The following ST8SIA6 variants were observed in gnomAD, a reference collection of about 807,000 sequenced individuals.
ST8SIA6 encodes alpha-2,8-sialyltransferase 8F.
A neutral mutation model predicts 33.6 loss-of-function variants in ST8SIA6; 39 were observed. The observed-to-expected ratio is 1.16, with a 90% CI of 0.90 to 1.52. The LOEUF is 1.52. ST8SIA6 is among the 40% of genes most tolerant of loss of function. The pLI, the probability that ST8SIA6 is intolerant of heterozygous loss-of-function variation, is 0.00. For missense variants in ST8SIA6, 441 were observed against 443.8 expected, an observed-to-expected ratio of 0.99 and a Z score of 0.06; for synonymous variants, 172 against 167.2, an observed-to-expected ratio of 1.03 and a Z score of -0.22.
At chr10:17,347,225 C>T (rs1415848336) in intron 4 of ST8SIA6, among the ~76,000 whole-genome samples, 1 of 152,170 alleles carries the variant, frequency 6.6e-6, no homozygotes, top group East Asian at 1.9e-4. Flanking sequence ...TACAATTAGC[C>T]ATCCCAGTAA....
chr10:17,445,804 G>T (rs978941533), intron 2 of ST8SIA6, among the ~76,000 whole-genome samples: 2 of 152,320 alleles, frequency 1.3e-5, no homozygotes, highest in African/African-American at 2.4e-5. Context: ...GATAGGAAGA[G>T]GGTGGTGGAT....
At chr10:17,343,180 A>G (rs914785742) in intron 4 of ST8SIA6, among the ~76,000 whole-genome samples, 2 of 152,210 alleles carry the variant, frequency 1.3e-5, no homozygotes, top group African/African-American at 4.8e-5. Flanking sequence ...AGCACAATGT[A>G]GATGAGAAGC....
chr10:17,331,960 G>A (rs1435232443), intron 4 of ST8SIA6, among the ~76,000 whole-genome samples: 1 of 152,044 alleles, frequency 6.6e-6, no homozygotes, highest in African/African-American at 2.4e-5. Flanking sequence ...GCCTCCAACA[G>A]GCACCAGTGT....
rs539598042 is a variant in ST8SIA6, at chr10:17,356,238, A to G, written c.377+3276T>C. On this transcript the variant is annotated intron_variant, in intron 4 of 7. Coordinates refer to ENST00000377602, the MANE Select transcript of ST8SIA6 (RefSeq NM_001004470.3). The stretch of plus-strand genomic sequence containing the variant: ...AGCACTCTAGCAGGAACAAAAAAAG[A>G]CTACAGTGCTCTAAACTATACAGTG... Among the ~76,000 whole-genome samples, 3 of 152,280 alleles carry G rather than the reference A, an allele frequency of 2.0e-5. No homozygotes were observed. The East Asian group carries it at 5.8e-4, about 29-fold the overall frequency.
intron 2 of ST8SIA6, among the ~76,000 whole-genome samples, chr10:17,401,797 C>T (rs1358124640): frequency 1.3e-5 from 2 of 152,184 alleles, no homozygotes; most frequent in African/African-American, 4.8e-5. Context: ...GGATTAGAGA[C>T]TTCAATGTTA....
intron 2 of ST8SIA6, among the ~76,000 whole-genome samples, chr10:17,439,812 A>G (rs1273000074): frequency 6.6e-6 from 1 of 152,222 alleles, no homozygotes; most frequent in Non-Finnish European, 1.5e-5. Context: ...AGGCATGCTG[A>G]GGCTATCTCC....
chr10:17,417,182 G>GA (rs1311938585), intron 2 of ST8SIA6, among the ~76,000 whole-genome samples: 2 of 152,038 alleles, frequency 1.3e-5, no homozygotes, highest in Admixed American at 6.6e-5. Flanking sequence ...CAGGCTTTTT[G>GA]AAACAACCAG....
At chr10:17,387,734 G>A (rs865918098) in intron 3 of ST8SIA6, among the ~76,000 whole-genome samples, 1 of 152,172 alleles carries the variant, frequency 6.6e-6, no homozygotes. Flanking sequence ...TGGGGCTAGA[G>A]GTGAAGTGAA....
rs1852217326 is a variant in ST8SIA6, at chr10:17,435,311, A to C, written c.200+18248T>G. Among the ~76,000 whole-genome samples the C allele has an allele frequency of 2.6e-5, 4 of 152,254 alleles. No individual in the cohort carries two copies. In the South Asian group the frequency reaches 8.3e-4, roughly 32 times the overall value. ...CTTCTTCCAAGTCCCCTAAATGTCC[A>C]GAAAGCTTTATCTCCATTTCCTATG... is the stretch of plus-strand genomic sequence containing the variant. On this transcript the variant is annotated intron_variant, in intron 2 of 7. Transcript: ENST00000377602.
At chr10:17,363,605 A>G (rs557756951) in intron 3 of ST8SIA6, among the ~76,000 whole-genome samples, 1 of 152,164 alleles carries the variant, frequency 6.6e-6, no homozygotes, top group African/African-American at 2.4e-5. Context: ...TCCATACTTT[A>G]TCTTATTAAT....
intron 2 of ST8SIA6, among the ~76,000 whole-genome samples, chr10:17,433,647 C>G (rs1473369941): frequency 6.6e-6 from 1 of 152,104 alleles, no homozygotes; most frequent in Non-Finnish European, 1.5e-5. Flanking sequence ...AGGGATGCAG[C>G]CCTCTCAGCA....
At chr10:17,449,379 T>C (rs1170682750) in intron 2 of ST8SIA6, among the ~76,000 whole-genome samples, 1 of 152,184 alleles carries the variant, frequency 6.6e-6, no homozygotes, top group African/African-American at 2.4e-5. Context: ...AAAGGATCCA[T>C]TGTAATGGGG....
At chr10:17,437,610 TTTCCTTCC>T (rs374960462) in intron 2 of ST8SIA6, among the ~76,000 whole-genome samples, 1 of 97,986 alleles carries the variant, frequency 1.0e-5, no homozygotes, top group South Asian at 3.5e-4. Flanking sequence ...GGACCCCCTG[TTTCCTTCC>T]TTCCTTCCTT....
chr10:17,397,270 G>A (rs1161160743), intron 2 of ST8SIA6, among the ~76,000 whole-genome samples: 1 of 87,892 alleles, frequency 1.1e-5, no homozygotes, highest in African/African-American at 4.4e-5. Context: ...TCTCACTCTT[G>A]TCCCCCAGGC....
At position 17,322,355 on chromosome 10, in the gene ST8SIA6, A is replaced by T. The variant is rs572281595; in HGVS notation, c.728+710T>A. Among the ~76,000 whole-genome samples the T allele has an allele frequency of 3.3e-5, 5 of 152,328 alleles. No individual in the cohort carries two copies. The South Asian group carries it at 1.0e-3, about 32-fold the overall frequency. ...ATAGATATACGTATAGGTTATTTTTAAAAATTTCCTCCATGCATTGTAGTA... is the reference window on the plus strand; with the variant it reads ...ATAGATATACGTATAGGTTATTTTTTAAAATTTCCTCCATGCATTGTAGTA... On this transcript the variant is annotated intron_variant, in intron 7 of 7. Coordinates refer to ENST00000377602, the MANE Select transcript of ST8SIA6 (RefSeq NM_001004470.3).
chr10:17,441,699 C>T (rs1275002644), intron 2 of ST8SIA6, among the ~76,000 whole-genome samples: 6 of 152,064 alleles, frequency 3.9e-5, no homozygotes, highest in Admixed American at 3.9e-4. Flanking sequence ...ATCTGGAAGT[C>T]CCACCCTCTA....
At chr10:17,329,779 ATC>A (rs1384550523) in intron 5 of ST8SIA6, among the ~76,000 whole-genome samples, 1 of 152,168 alleles carries the variant, frequency 6.6e-6, no homozygotes, top group Non-Finnish European at 1.5e-5. Flanking sequence ...TAAATTACAA[ATC>A]TCAACGTTTC....
rs542674241 is a variant in ST8SIA6 at position 17,340,799 on chromosome 10, A to C, written c.378-9247T>G. 3.9e-5 allele frequency among the ~76,000 whole-genome samples: 6 copies of C among 152,330 alleles called. No individual in the cohort carries two copies. The East Asian group carries it at 9.6e-4, about 24-fold the overall frequency. ...ATTTCTCAAGTTCGTATTTGGAAGA[A>C]CTTCTTTAACAAAAAATAAAAGAGC... is the stretch of plus-strand genomic sequence containing the variant. On this transcript the variant is annotated intron_variant, in intron 4 of 7. Transcript: ENST00000377602.
At chr10:17,414,260 G>C (rs1055547041) in intron 2 of ST8SIA6, among the ~76,000 whole-genome samples, 24 of 152,148 alleles carry the variant, frequency 1.6e-4, no homozygotes, top group Non-Finnish European at 7.3e-5. Context: ...CTTCAAATGG[G>C]CATTTAAGGA....
Sources: allele counts gnomAD v4.1 joint callset (sites outside exome capture counted in the v4.1 genomes callset), GRCh38; gene constraint gnomAD v4.1.1; transcripts MANE v1.5; gene names NCBI Gene and HGNC (gene_info 2026-07-23, HGNC 2026-07-21).